The following LARS2 variants were observed in gnomAD, a reference collection of about 807,000 sequenced individuals.
LARS2 encodes leucyl-tRNA synthetase 2, mitochondrial, also known as leucine--tRNA ligase, mitochondrial.
A neutral mutation model predicts 116.6 loss-of-function variants in LARS2; 81 were observed. The ratio of observed to expected loss-of-function variants is 0.69; its 90% CI spans 0.58 to 0.84. The LOEUF (loss-of-function observed/expected upper bound fraction) is 0.84, where lower values mean the gene tolerates loss of function less well. Among genes scored for constraint, LARS2 ranks in the 40% least tolerant of loss-of-function variants. The pLI is 0.00. For synonymous variants in LARS2, 396 were observed against 407.2 expected (o/e 0.97, Z 0.33); for missense variants, 968 against 1,114.5 (o/e 0.87, Z 1.87).
intron 8 of LARS2, among the ~76,000 whole-genome samples, chr3:45,469,623 G>T (rs1342865075): frequency 4.0e-5 from 6 of 151,862 alleles, no homozygotes; most frequent in Non-Finnish European, 7.4e-5. Flanking sequence ...GGATTACAGG[G>T]GTGAGTCACT....
At chr3:45,408,810 A>G (rs1041790955) in intron 4 of LARS2, among the ~76,000 whole-genome samples, 3 of 152,078 alleles carry the variant, frequency 2.0e-5, no homozygotes, top group Admixed American at 6.5e-5. Flanking sequence ...TTGGCTTCCC[A>G]CTCAACTTTA....
At chr3:45,442,646 C>G (rs983975935) in intron 6 of LARS2, among the ~76,000 whole-genome samples, 1 of 151,994 alleles carries the variant, frequency 6.6e-6, no homozygotes, top group African/African-American at 2.4e-5. Context: ...GGTTGGTCTC[C>G]GAGTTGGTAG....
At chr3:45,533,448 A>G (rs1700652247) in intron 20 of LARS2, among the ~76,000 whole-genome samples, 2 of 152,090 alleles carry the variant, frequency 1.3e-5, no homozygotes, top group African/African-American at 4.8e-5. Flanking sequence ...CGCCGGCCCC[A>G]CATTAAGTCT....
chr3:45,412,737 T>C (rs1314016670), intron 4 of LARS2, among the ~76,000 whole-genome samples: 1 of 152,154 alleles, frequency 6.6e-6, no homozygotes, highest in Non-Finnish European at 1.5e-5. Flanking sequence ...CAAGCCAGCC[T>C]CCCCTGGGGC....
rs775913371 is a variant in LARS2, at chr3:45,458,804, A to G, written c.668A>G (p.His223Arg). The part of the protein sequence containing the change: ...TVLANEQVDE[H>R]GCSWRSGAKV... ...CTTGCCAATGAGCAGGTGGATGAAC[A>G]TGGCTGTTCATGGCGTTCTGGAGCA... Residue 223 changes from histidine to arginine, a missense_variant, in exon 8 of 22, where the codon CAT (histidine) becomes CGT (arginine). Physicochemically the swap from His to Arg is conservative, Grantham distance 29. Coordinates refer to ENST00000645846, the MANE Select transcript of LARS2 (RefSeq NM_015340.4). The G allele has an allele frequency of 2.5e-6, 4 of 1,613,998 alleles. No individual in the cohort carries two copies. In the Admixed American group the frequency reaches 5.0e-5, roughly 20 times the overall value.
intron 4 of LARS2, among the ~76,000 whole-genome samples, chr3:45,414,759 C>T (rs1225491198): frequency 2.0e-5 from 3 of 151,250 alleles, no homozygotes; most frequent in South Asian, 4.2e-4. Context: ...CAAAATAAAA[C>T]TTACCCCAGG....
chr3:45,545,911 C>T (rs1033411529), intron 21 of LARS2, among the ~76,000 whole-genome samples: 3 of 151,898 alleles, frequency 2.0e-5, no homozygotes, highest in Admixed American at 2.0e-4. Flanking sequence ...TGAGCTGGTC[C>T]CTTTACACAG....
intron 10 of LARS2, among the ~76,000 whole-genome samples, chr3:45,481,830 A>C (rs1432711185): frequency 6.6e-6 from 1 of 152,180 alleles, no homozygotes; most frequent in East Asian, 1.9e-4. Flanking sequence ...CCTTTGAAGC[A>C]CAAGTTTTTC....
At chr3:45,391,107 AT>A (rs1697939197) in intron 1 of LARS2, among the ~76,000 whole-genome samples, 1 of 152,058 alleles carries the variant, frequency 6.6e-6, no homozygotes, top group African/African-American at 2.4e-5. Flanking sequence ...TTAGCATCAG[AT>A]TTATTAACAT....
At chr3:45,434,727 T>C (rs1361905790) in intron 6 of LARS2, among the ~76,000 whole-genome samples, 1 of 152,216 alleles carries the variant, frequency 6.6e-6, no homozygotes, top group Non-Finnish European at 1.5e-5. Flanking sequence ...TCCTCTGATA[T>C]TGCTATGGCA....
At chr3:45,403,515 C>G (rs1234158053) in intron 4 of LARS2, among the ~76,000 whole-genome samples, 2 of 152,084 alleles carry the variant, frequency 1.3e-5, no homozygotes, top group African/African-American at 2.4e-5. Flanking sequence ...GGGGTTTCAC[C>G]ATGTTGGTCA....
At chr3:45,494,748 C>T (rs1453806955) in intron 13 of LARS2, among the ~76,000 whole-genome samples, 1 of 152,150 alleles carries the variant, frequency 6.6e-6, no homozygotes, top group African/African-American at 2.4e-5. Flanking sequence ...GTCCCACAGG[C>T]CCACAACTCT....
intron 21 of LARS2, among the ~76,000 whole-genome samples, chr3:45,543,474 T>TTTTA (rs1700829090): frequency 6.7e-6 from 1 of 150,200 alleles, no homozygotes; most frequent in Admixed American, 6.6e-5. Flanking sequence ...TTTTTTTATT[T>TTTTA]TTTTTTTTGG....
chr3:45,522,592 G>A (rs529504713), intron 19 of LARS2, among the ~76,000 whole-genome samples: 3 of 152,152 alleles, frequency 2.0e-5, no homozygotes, highest in African/African-American at 7.2e-5. Flanking sequence ...ATCAGCCAGG[G>A]TGTGGTGGTG....
intron 6 of LARS2, among the ~76,000 whole-genome samples, chr3:45,438,652 T>C (rs1698845332): frequency 9.3e-6 from 1 of 107,276 alleles, no homozygotes; most frequent in Non-Finnish European, 2.0e-5. Flanking sequence ...ACCCCATCTC[T>C]ACTAAAAATA....
chr3:45,530,988 A>T (rs568214560), intron 20 of LARS2, among the ~76,000 whole-genome samples: 1 of 152,132 alleles, frequency 6.6e-6, no homozygotes, highest in Non-Finnish European at 1.5e-5. Context: ...ACCTCATCCA[A>T]ACTTTCATCC....
intron 4 of LARS2, among the ~76,000 whole-genome samples, chr3:45,416,301 G>A (rs1698421095): frequency 6.6e-6 from 1 of 151,718 alleles, no homozygotes; most frequent in Non-Finnish European, 1.5e-5. Context: ...GAAATGGGGA[G>A]TGGGCCTTTC....
At chr3:45,520,181 AT>A (rs751808440) in intron 18 of LARS2, 37 bp from the exon 19 acceptor site, 2 of 1,456,634 alleles carry the variant, frequency 1.4e-6, no homozygotes, top group South Asian at 2.3e-5. Flanking sequence ...GCTTAAAAGA[AT>A]TTTGAAATAA....
intron 20 of LARS2, among the ~76,000 whole-genome samples, chr3:45,529,702 G>A (rs1700585877): frequency 1.3e-5 from 2 of 152,128 alleles, no homozygotes; most frequent in African/African-American, 4.8e-5. Flanking sequence ...AAATTCTCTG[G>A]GTCTTCTGTG....
Sources: gnomAD v4.1 joint callset for allele counts (sites outside exome capture counted in the v4.1 genomes callset) on GRCh38, gnomAD v4.1.1 for gene constraint, MANE v1.5 for transcripts, NCBI Gene and HGNC (gene_info 2026-07-23, HGNC 2026-07-21) for gene names.